The following LRIG1 variants were observed in gnomAD, a reference collection of about 807,000 sequenced individuals.
LRIG1 encodes the protein leucine-rich repeats and immunoglobulin-like domains protein 1.
LRIG1 carries 48 observed loss-of-function variants against 99.2 expected under a neutral mutation model. The ratio of observed to expected loss-of-function variants is 0.48; its 90% CI spans 0.38 to 0.62. The LOEUF is 0.62. Among genes scored for constraint, LRIG1 ranks in the 20% least tolerant of loss-of-function variants. The pLI is 0.00. For missense variants in LRIG1, 1,646 were observed against 1,434.4 expected, an observed-to-expected ratio of 1.15 and a Z score of -2.38; for synonymous variants, 772 against 596.1, an observed-to-expected ratio of 1.29 and a Z score of -4.30.
At position 66,394,441 on chromosome 3, in the gene LRIG1, G is replaced by A. The variant is rs368776721; in HGVS notation, c.1305-238C>T. On this transcript the variant is annotated intron_variant, in intron 11 of 18. Transcript: ENST00000273261. ...TGGGTGGGTCAGGAGTGGAACCCACGACTCTGCTAACAAGTTCACGTATCA... is the reference window on the plus strand; with the variant it reads ...TGGGTGGGTCAGGAGTGGAACCCACAACTCTGCTAACAAGTTCACGTATCA... Among the ~76,000 whole-genome samples, 13 of 152,304 alleles carry A rather than the reference G, an allele frequency of 8.5e-5. No individual in the cohort carries two copies. The East Asian group carries it at 1.7e-3, about 20-fold the overall frequency.
chr3:66,468,199 G>A (rs1399170587), intron 1 of LRIG1, among the ~76,000 whole-genome samples: 1 of 152,104 alleles, frequency 6.6e-6, no homozygotes, highest in South Asian at 2.1e-4. Flanking sequence ...GAAGTTGAGG[G>A]ATAAAAAGTT....
rs755728812 is a variant in LRIG1, at chr3:66,414,943, G to C, written c.624C>G (p.Phe208Leu). The change falls in exon 5 of 19, where the codon TTC becomes TTG. Residue 208 changes from phenylalanine (F) to leucine (L), a missense_variant. By Grantham distance (22) the Phe-to-Leu change is conservative. Transcript: ENST00000273261. ...ACAGTTGTGTCAGCCTGGGTAGCTT[G>C]AATGCTCTTACAGGAAGCTGGGTGA... is the stretch of plus-strand genomic sequence containing the variant. ...NRITQLPVRA[F>L]KLPRLTQLDL... 11 of 1,609,390 alleles carry C rather than the reference G, an allele frequency of 6.8e-6. No homozygotes were observed. Among genetic ancestry groups the C allele is most frequent in the African/African-American group, 1.3e-5 (1 of 74,734 alleles).
chr3:66,425,611 T>C lies in LRIG1; in HGVS notation c.366-8345A>G, dbSNP rs77946926. 7.6e-3 allele frequency among the ~76,000 whole-genome samples: 1,160 copies of C among 152,296 alleles called. 18 individuals carry two copies. The highest frequency in any genetic ancestry group is 0.027 in the African/African-American group (1,107 of 41,554). On this transcript the variant is annotated intron_variant, in intron 3 of 18. Transcript: ENST00000273261. The stretch of plus-strand genomic sequence containing the variant: ...GGTGCAAGGCAAGAGGACAGTGTTG[T>C]GCTAGGAACAGTTCTTATTGGCCTC...
chr3:66,423,308 C>T (rs9309937), intron 3 of LRIG1, among the ~76,000 whole-genome samples: 5,323 of 152,226 alleles, frequency 0.035, 303 homozygotes, highest in African/African-American at 0.12. Flanking sequence ...CGGTGGCTCA[C>T]GCCTGTAATC....
intron 2 of LRIG1, among the ~76,000 whole-genome samples, chr3:66,459,308 C>T (rs1007413480): frequency 6.6e-6 from 1 of 152,196 alleles, no homozygotes; most frequent in African/African-American, 2.4e-5. Flanking sequence ...ACAACAGGAA[C>T]AGGGAGTTAG....
At chr3:66,440,158 C>T (rs1703493489) in intron 3 of LRIG1, among the ~76,000 whole-genome samples, 1 of 152,182 alleles carries the variant, frequency 6.6e-6, no homozygotes, top group Non-Finnish European at 1.5e-5. Context: ...CTTTTGGCTG[C>T]ACACTGAAAT....
chr3:66,487,785 T>A (rs1701008520), intron 1 of LRIG1, among the ~76,000 whole-genome samples: 1 of 152,170 alleles, frequency 6.6e-6, no homozygotes, highest in South Asian at 2.1e-4. Flanking sequence ...TGTTTTGAGC[T>A]CAGAAAGCAC....
At chr3:66,495,872 G>A (rs940540438) in intron 1 of LRIG1, among the ~76,000 whole-genome samples, 3 of 152,198 alleles carry the variant, frequency 2.0e-5, no homozygotes, top group Non-Finnish European at 4.4e-5. Flanking sequence ...TGCAGAAGCG[G>A]GAGAGGCCCT....
chr3:66,387,501 G>T (rs1202131557), intron 12 of LRIG1: 1 of 152,094 alleles, frequency 6.6e-6, no homozygotes, highest in Admixed American at 6.5e-5. Context: ...GGACTTAAGG[G>T]GACGGACTTT....
Position 66,500,255 on chromosome 3 carries a change from C to G in LRIG1, c.153G>C (p.Ser51=), listed in dbSNP as rs1188353738. 1.3e-6 allele frequency: 2 copies of G among 1,508,436 alleles called. No individual in the cohort carries two copies. The highest frequency in any genetic ancestry group is 1.8e-6 in the Non-Finnish European group (2 of 1,135,074). 93.4% of individuals were successfully genotyped at this position (1,508,436 alleles called of 1,614,324 possible). A position where few individuals can be genotyped will look rare whatever the true frequency, so the allele number is the denominator to read the frequency against. Residue 51 remains serine (S), a synonymous_variant, in exon 1 of 19, where the codon TCG becomes TCC. Transcript: ENST00000273261. Reference sequence around the variant, plus strand: ...CCAGCCCGCGCCCACCGCAGTCCAGCGAGTCCCCAGCGCAAGTGCAGGCGG... The same window carrying G: ...CCAGCCCGCGCCCACCGCAGTCCAGGGAGTCCCCAGCGCAAGTGCAGGCGG... ...CAAACTCAGD[S]LDCGGRGLAA... is the part of the protein sequence containing the mutation.
At chr3:66,407,634 C>CAG (rs1702323225) in intron 7 of LRIG1, 143 bp from the exon 8 acceptor site, 1 of 780,650 alleles carries the variant, frequency 1.3e-6, no homozygotes, top group Non-Finnish European at 2.1e-6. Flanking sequence ...CACACACACA[C>CAG]CCACACCCAC....
chr3:66,463,823 G>A (rs1441305659), intron 1 of LRIG1, among the ~76,000 whole-genome samples: 2 of 152,120 alleles, frequency 1.3e-5, no homozygotes, highest in Non-Finnish European at 2.9e-5. Context: ...TACTAACCTA[G>A]AGCTGAGAGC....
chr3:66,414,169 A>G (rs552633662), intron 5 of LRIG1, among the ~76,000 whole-genome samples: 3 of 152,076 alleles, frequency 2.0e-5, no homozygotes, highest in Non-Finnish European at 4.4e-5. Flanking sequence ...AGGCCAAGGC[A>G]GGCGGATCAC....
At chr3:66,466,154 C>A (rs2106850364) in intron 1 of LRIG1, among the ~76,000 whole-genome samples, 1 of 152,168 alleles carries the variant, frequency 6.6e-6, no homozygotes, top group East Asian at 1.9e-4. Flanking sequence ...GTTTCAGCCT[C>A]CCAAGTAGCT....
intron 3 of LRIG1, among the ~76,000 whole-genome samples, chr3:66,424,425 G>T (rs566547029): frequency 6.6e-6 from 1 of 152,162 alleles, no homozygotes; most frequent in South Asian, 2.1e-4. Context: ...CCTCCTGCCT[G>T]AGAGTTGATG....
chr3:66,450,521 G>T (rs1308797429), intron 3 of LRIG1, among the ~76,000 whole-genome samples: 3 of 152,160 alleles, frequency 2.0e-5, no homozygotes, highest in Non-Finnish European at 4.4e-5. Flanking sequence ...ACAATGCCAT[G>T]AAAAGGGTTA....
At chr3:66,415,262 G>A (rs1422985487) in intron 4 of LRIG1, among the ~76,000 whole-genome samples, 199 bp from the exon 5 acceptor site, 1 of 152,158 alleles carries the variant, frequency 6.6e-6, no homozygotes, top group Non-Finnish European at 1.5e-5. Context: ...GTGCACCTAA[G>A]CCCTGAGGGC....
In LRIG1 at chr3:66,439,787, T is replaced by C. The variant is rs143713306; in HGVS notation, c.365+11772A>G. ...GATAAGGGGCAAATCCACAGTTGAATTCTGTGATCTCCAAATAAGGTGGGC... is the reference window on the plus strand; with the variant it reads ...GATAAGGGGCAAATCCACAGTTGAACTCTGTGATCTCCAAATAAGGTGGGC... On this transcript the variant is annotated intron_variant, in intron 3 of 18. Transcript: ENST00000273261. Among the ~76,000 whole-genome samples the C allele has an allele frequency of 2.9e-3, 438 of 152,274 alleles. 2 individuals carry two copies. Among genetic ancestry groups the C allele is most frequent in the African/African-American group, 9.5e-3 (394 of 41,542 alleles).
chr3:66,448,285 A>C (rs1703791233), intron 3 of LRIG1, among the ~76,000 whole-genome samples: 1 of 152,212 alleles, frequency 6.6e-6, no homozygotes, highest in African/African-American at 2.4e-5. Flanking sequence ...GGTGCCACCC[A>C]GCTTGGGAGG....
Sources: allele counts gnomAD v4.1 joint callset (sites outside exome capture counted in the v4.1 genomes callset), GRCh38; gene constraint gnomAD v4.1.1; transcripts MANE v1.5; gene names NCBI Gene and HGNC (gene_info 2026-07-23, HGNC 2026-07-21).